Variants in FMN2 observed in about 807,000 individuals in gnomAD.
FMN2 encodes the protein formin-2.
Under a neutral mutation model 142.3 loss-of-function variants are expected in FMN2, and 51 were observed. That is an observed-to-expected ratio of 0.36 (90% CI 0.29 to 0.45). The LOEUF is 0.45. Ranked by LOEUF, FMN2 falls within the 20% of genes least tolerant of loss-of-function variation. FMN2 has a pLI of 1.00. For synonymous variants in FMN2, 882 were observed against 869.8 expected (o/e 1.01, Z -0.25); for missense variants, 1,936 against 2,122.8 (o/e 0.91, Z 1.73).
chr1:240,170,810 C>T (rs1322495747), intron 2 of FMN2: 4 of 903,332 alleles, frequency 4.4e-6, no homozygotes, highest in Non-Finnish European at 7.5e-6. Context: ...GGTAAAGTGG[C>T]TGGTGCATCC....
chr1:240,121,475 A>C (rs1421791830), intron 1 of FMN2, among the ~76,000 whole-genome samples: 1 of 150,690 alleles, frequency 6.6e-6, no homozygotes, highest in Non-Finnish European at 1.5e-5. Flanking sequence ...TCCCGGGTTC[A>C]AGTGATTCTC....
At chr1:240,374,246 A>T (rs1296466610) in intron 14 of FMN2, among the ~76,000 whole-genome samples, 1 of 152,182 alleles carries the variant, frequency 6.6e-6, no homozygotes, top group Non-Finnish European at 1.5e-5. Context: ...TAATTCTTAT[A>T]GGCTGCAGGA....
At chr1:240,247,971 TC>T (rs1025974974) in intron 6 of FMN2, among the ~76,000 whole-genome samples, 45 of 152,312 alleles carry the variant, frequency 3.0e-4, no homozygotes, top group African/African-American at 1.0e-3. Flanking sequence ...TCAAGTCCTT[TC>T]TTCTAGCTAT....
At chr1:240,389,767 C>T (rs1673542186) in intron 14 of FMN2, among the ~76,000 whole-genome samples, 1 of 152,046 alleles carries the variant, frequency 6.6e-6, no homozygotes, top group Non-Finnish European at 1.5e-5. Context: ...CCCTGGGCAA[C>T]ATAGCGAGAC....
rs35191164 is a variant in FMN2, at chr1:240,098,097, A to ATTTTTTTTTTTTTTTTTTTTTT, written c.1615+4394_1615+4395insTTTTTTTTTTTTTTTTTTTTTT. Among the ~76,000 whole-genome samples the ATTTTTTTTTTTTTTTTTTTTTT allele has an allele frequency of 1.1e-3, 108 of 98,650 alleles. 8 individuals carry two copies. Among genetic ancestry groups the ATTTTTTTTTTTTTTTTTTTTTT allele is most frequent in the African/African-American group, 1.8e-3 (39 of 21,848 alleles). 64.7% of individuals were successfully genotyped at this position (98,650 alleles called of 152,430 possible). ...TTGGCCTTTCTAAAGGTTATCTTGA[A>ATTTTTTTTTTTTTTTTTTTTTT]TTTTTTTTTTTTTTTTTTTTTGGAG... On this transcript the variant is annotated intron_variant, in intron 1 of 17. Transcript: ENST00000319653.
At chr1:240,234,618 G>A (rs1667636933) in intron 6 of FMN2, among the ~76,000 whole-genome samples, 1 of 152,110 alleles carries the variant, frequency 6.6e-6, no homozygotes, top group Admixed American at 6.5e-5. Flanking sequence ...TAGGAGATGT[G>A]TAAAAAACTT....
At chr1:240,444,677 T>G (rs1300271578) in intron 16 of FMN2, among the ~76,000 whole-genome samples, 1 of 152,220 alleles carries the variant, frequency 6.6e-6, no homozygotes, top group Non-Finnish European at 1.5e-5. Context: ...GAAAATAATT[T>G]GAATGTTTAT....
chr1:240,240,021 T>G (rs977945945), intron 6 of FMN2, among the ~76,000 whole-genome samples: 3 of 152,318 alleles, frequency 2.0e-5, no homozygotes, highest in African/African-American at 7.2e-5. Context: ...CCGTCTAAGG[T>G]TTGCTTTCTA....
Position 240,475,002 on chromosome 1 carries a change from T to C in FMN2, c.*848T>C, listed in dbSNP as rs1676929812. The C allele has an allele frequency of 6.6e-6, 1 of 152,584 alleles. No individual in the cohort carries two copies. Among genetic ancestry groups the C allele is most frequent in the Non-Finnish European group, 1.5e-5 (1 of 68,010 alleles). 9.5% of individuals were successfully genotyped at this position (152,584 alleles called of 1,614,324 possible). A position where few individuals can be genotyped will look rare whatever the true frequency, so the allele number is the denominator to read the frequency against. On this transcript the variant is annotated 3_prime_UTR_variant, in exon 18 of 18. Transcript: ENST00000319653. ...CAGTAGTGGTTTTTTTTCTATTGTT[T>C]TGTAGTCTTCCTGTCCCCTTCAGTC...
intron 13 of FMN2, among the ~76,000 whole-genome samples, chr1:240,339,028 G>A (rs1465089246): frequency 2.0e-5 from 3 of 152,120 alleles, no homozygotes; most frequent in Non-Finnish European, 4.4e-5. Flanking sequence ...AGAGTCTAAT[G>A]CTGCAGCTGA....
intron 13 of FMN2, 88 bp downstream of exon 13, chr1:240,334,317 T>C: frequency 7.2e-7 from 1 of 1,380,116 alleles, no homozygotes; most frequent in Non-Finnish European, 9.6e-7. Flanking sequence ...AGAAAAGTAA[T>C]CTTTTTTATC....
At chr1:240,158,178 G>T (rs1281188533) in intron 2 of FMN2, among the ~76,000 whole-genome samples, 1 of 151,884 alleles carries the variant, frequency 6.6e-6, no homozygotes, top group African/African-American at 2.4e-5. Context: ...ATTTAATCCA[G>T]CCGGAATGCC....
chr1:240,445,999 T>A (rs976894639), intron 16 of FMN2, among the ~76,000 whole-genome samples: 2 of 152,120 alleles, frequency 1.3e-5, no homozygotes, highest in African/African-American at 4.8e-5. Context: ...AAATGTCAGC[T>A]CAGATACTGA....
intron 2 of FMN2, among the ~76,000 whole-genome samples, chr1:240,156,811 G>C (rs746364669): frequency 3.3e-5 from 5 of 152,210 alleles, no homozygotes; most frequent in Non-Finnish European, 7.3e-5. Flanking sequence ...AGGAATCACT[G>C]AGGAAGTGGG....
intron 6 of FMN2, among the ~76,000 whole-genome samples, chr1:240,255,623 G>C (rs1249148751): frequency 2.0e-5 from 3 of 152,172 alleles, no homozygotes; most frequent in Non-Finnish European, 4.4e-5. Flanking sequence ...TAGGAGTCTT[G>C]ACTGGTTTCT....
chr1:240,188,412 G>C (rs1027583079), intron 4 of FMN2, 150 bp downstream of exon 4: 3 of 684,404 alleles, frequency 4.4e-6, no homozygotes, highest in Non-Finnish European at 7.3e-6. Flanking sequence ...TCAGGCAGAA[G>C]GGGATGTTTT....
intron 6 of FMN2, among the ~76,000 whole-genome samples, chr1:240,243,608 G>T (rs909372181): frequency 6.6e-6 from 1 of 152,160 alleles, no homozygotes; most frequent in Non-Finnish European, 1.5e-5. Flanking sequence ...CCTGGCATTT[G>T]CAAGACATTT....
intron 13 of FMN2, among the ~76,000 whole-genome samples, chr1:240,351,813 T>A (rs1672105875): frequency 6.6e-6 from 1 of 152,112 alleles, no homozygotes; most frequent in Admixed American, 6.5e-5. Flanking sequence ...ATTCTGGAAG[T>A]TTCTAGTGTT....
Position 240,243,385 on chromosome 1 carries a change from G to A in FMN2, c.4066-14560G>A, listed in dbSNP as rs766631171. ...GTTATGAGATAGCCAACAACAGTATGTCTAAAGAGTTCTTGGAGAAATCAC... is the reference window on the plus strand; with the variant it reads ...GTTATGAGATAGCCAACAACAGTATATCTAAAGAGTTCTTGGAGAAATCAC... On this transcript the variant is annotated intron_variant, in intron 6 of 17. Transcript: ENST00000319653. 8.5e-5 allele frequency among the ~76,000 whole-genome samples: 13 copies of A among 152,234 alleles called. No homozygotes were observed. In the South Asian group the frequency reaches 2.1e-3, roughly 24 times the overall value.
Sources: gnomAD v4.1 joint callset for allele counts (sites outside exome capture counted in the v4.1 genomes callset) on GRCh38, gnomAD v4.1.1 for gene constraint, MANE v1.5 for transcripts, NCBI Gene and HGNC (gene_info 2026-07-23, HGNC 2026-07-21) for gene names.